The following GPM6A variants were observed in gnomAD, a reference collection of about 807,000 sequenced individuals.
GPM6A encodes the protein glycoprotein M6A, also known as neuronal membrane glycoprotein M6-a.
Under a neutral mutation model 32.1 loss-of-function variants are expected in GPM6A, and 7 were observed. The observed-to-expected ratio is 0.22, with a 90% CI of 0.12 to 0.41. The LOEUF (loss-of-function observed/expected upper bound fraction) is 0.41, where lower values mean the gene tolerates loss of function less well. GPM6A is among the 10% of genes least tolerant of loss of function. The pLI, the probability that GPM6A is intolerant of heterozygous loss-of-function variation, is 1.00. For missense variants in GPM6A, 235 were observed against 347.2 expected (o/e 0.68, Z 2.57); for synonymous variants, 130 against 123.4 (o/e 1.05, Z -0.35).
At chr4:175,758,381 A>G (rs1462852624) in intron 1 of GPM6A, among the ~76,000 whole-genome samples, 1 of 152,186 alleles carries the variant, frequency 6.6e-6, no homozygotes, top group Non-Finnish European at 1.5e-5. Context: ...AACAACTTTT[A>G]AGACATCAAT....
chr4:175,948,958 AGTGTGTGTGTGTGT>A (rs34417872), intron 1 of GPM6A, among the ~76,000 whole-genome samples: 60 of 144,814 alleles, frequency 4.1e-4, no homozygotes, highest in African/African-American at 1.3e-3. Flanking sequence ...TTTGGTGGTA[AGTGTGTGTGTGTGT>A]GTGTGTGTGT....
chr4:175,864,507 C>G (rs1395022337), intron 1 of GPM6A, among the ~76,000 whole-genome samples: 1 of 152,066 alleles, frequency 6.6e-6, no homozygotes, highest in African/African-American at 2.4e-5. Flanking sequence ...TGTTTTTCTT[C>G]TCATTGATGG....
intron 1 of GPM6A, among the ~76,000 whole-genome samples, chr4:175,710,136 A>G (rs1419148233): frequency 6.6e-6 from 1 of 152,138 alleles, no homozygotes; most frequent in African/African-American, 2.4e-5. Context: ...CAACATTATT[A>G]TTCTTTTCAA....
chr4:175,646,028 T>G (rs2110901801), intron 4 of GPM6A, among the ~76,000 whole-genome samples: 1 of 152,278 alleles, frequency 6.6e-6, no homozygotes, highest in South Asian at 2.1e-4. Flanking sequence ...CATCTGCCTC[T>G]GAATGACTCC....
At chr4:175,763,567 T>C (rs1485023050) in intron 1 of GPM6A, among the ~76,000 whole-genome samples, 1 of 152,196 alleles carries the variant, frequency 6.6e-6, no homozygotes, top group East Asian at 1.9e-4. Flanking sequence ...TAATAGGTCC[T>C]CATTAAATGC....
At chr4:175,980,394 C>T (rs530386826) in intron 1 of GPM6A, among the ~76,000 whole-genome samples, 3 of 152,168 alleles carry the variant, frequency 2.0e-5, no homozygotes, top group South Asian at 2.1e-4. Flanking sequence ...GAGGCCTCAC[C>T]GTAAGATCAT....
chr4:175,875,821 C>G (rs1273110971), intron 1 of GPM6A, among the ~76,000 whole-genome samples: 2 of 152,096 alleles, frequency 1.3e-5, no homozygotes, highest in African/African-American at 4.8e-5. Context: ...GCCTTGGAAA[C>G]AAAAATATTA....
chr4:175,745,360 T>C (rs1732060294), intron 1 of GPM6A, among the ~76,000 whole-genome samples: 1 of 152,218 alleles, frequency 6.6e-6, no homozygotes, highest in Non-Finnish European at 1.5e-5. Context: ...TTCCTCCATA[T>C]GTGAGTTGGC....
At position 175,822,800 on chromosome 4, in the gene GPM6A, G is replaced by A. The variant is rs147408723; in HGVS notation, c.-22-10551C>T. On this transcript the variant is annotated intron_variant, in intron 1 of 7. Transcript: ENST00000280187. ...AGGCTTTAAGACCTGCATGCATTAG[G>A]TATTTGTCCTAGTGTTCTCCCTCCC... is the stretch of plus-strand genomic sequence containing the variant. Among the ~76,000 whole-genome samples, 53 of 152,136 alleles carry A rather than the reference G, an allele frequency of 3.5e-4. 2 individuals are homozygous for A. Among genetic ancestry groups the A allele is most frequent in the African/African-American group, 1.2e-3 (49 of 41,522 alleles).
chr4:175,845,999 T>C (rs1193765470), intron 1 of GPM6A, among the ~76,000 whole-genome samples: 2 of 152,050 alleles, frequency 1.3e-5, no homozygotes, highest in Non-Finnish European at 2.9e-5. Context: ...TTTCACTCAC[T>C]GCCATTTCCT....
intron 1 of GPM6A, among the ~76,000 whole-genome samples, chr4:175,934,999 T>C (rs1195290829): frequency 6.6e-6 from 1 of 152,230 alleles, no homozygotes; most frequent in Non-Finnish European, 1.5e-5. Context: ...AAAGTTAATA[T>C]TAAGAACTGT....
intron 1 of GPM6A, among the ~76,000 whole-genome samples, chr4:175,858,924 A>G (rs771002517): frequency 2.0e-5 from 3 of 152,240 alleles, no homozygotes; most frequent in Non-Finnish European, 4.4e-5. Flanking sequence ...ACACACTACA[A>G]TATGATGACT....
chr4:175,646,429 C>T (rs1234758482), intron 4 of GPM6A, among the ~76,000 whole-genome samples: 1 of 152,164 alleles, frequency 6.6e-6, no homozygotes, highest in Non-Finnish European at 1.5e-5. Flanking sequence ...CTAGTTTCAA[C>T]TCTATCTTCT....
At chr4:175,997,648 A>G (rs1422983478) in intron 1 of GPM6A, among the ~76,000 whole-genome samples, 1 of 152,132 alleles carries the variant, frequency 6.6e-6, no homozygotes, top group African/African-American at 2.4e-5. Flanking sequence ...TACCTTGTTC[A>G]TAACTGTCTC....
Position 175,998,292 on chromosome 4 carries a change from T to C in GPM6A, c.-23+4017A>G, listed in dbSNP as rs572237220. Among the ~76,000 whole-genome samples, 20 of 152,282 alleles carry C rather than the reference T, an allele frequency of 1.3e-4. No individual in the cohort carries two copies. The South Asian group carries it at 4.1e-3, about 32-fold the overall frequency. ...CTTCAGCTTCCCGAGTAGCTGGGATTACAGGCGTGTGCCACCACACCCGGC... is the reference window on the plus strand; with the variant it reads ...CTTCAGCTTCCCGAGTAGCTGGGATCACAGGCGTGTGCCACCACACCCGGC... On this transcript the variant is annotated intron_variant, in intron 1 of 7. Transcript: ENST00000280187.
At chr4:175,718,259 T>C (rs58457603) in intron 1 of GPM6A, among the ~76,000 whole-genome samples, 111 of 152,342 alleles carry the variant, frequency 7.3e-4, no homozygotes, top group African/African-American at 2.6e-3. Flanking sequence ...TATTTTACTA[T>C]ATTGTTACTT....
chr4:175,669,080 T>C (rs2110970109), intron 3 of GPM6A, among the ~76,000 whole-genome samples: 1 of 152,312 alleles, frequency 6.6e-6, no homozygotes, highest in Middle Eastern at 3.4e-3. Context: ...TGACATAGTT[T>C]ATCAGAGGAT....
At chr4:175,940,000 C>T (rs528025908) in intron 1 of GPM6A, among the ~76,000 whole-genome samples, 2 of 152,072 alleles carry the variant, frequency 1.3e-5, no homozygotes, top group East Asian at 1.9e-4. Flanking sequence ...AAGGAAGAAA[C>T]AGAGAAACAT....
chr4:175,699,833 C>T (rs1372079406), intron 2 of GPM6A, among the ~76,000 whole-genome samples: 1 of 152,096 alleles, frequency 6.6e-6, no homozygotes, highest in Non-Finnish European at 1.5e-5. Context: ...TCCACCCACC[C>T]CCCAAAACAG....
Sources: gnomAD v4.1 joint callset for allele counts (sites outside exome capture counted in the v4.1 genomes callset) on GRCh38, gnomAD v4.1.1 for gene constraint, MANE v1.5 for transcripts, NCBI Gene and HGNC (gene_info 2026-07-23, HGNC 2026-07-21) for gene names.